LACRT: variants seen among roughly 807,000 people sequenced by gnomAD.
LACRT encodes lacritin, also known as extracellular glycoprotein lacritin.
A neutral mutation model predicts 14.5 loss-of-function variants in LACRT; 14 were observed. The observed-to-expected ratio is 0.96, with a 90% confidence interval of 0.64 to 1.51. The LOEUF is 1.51. Ranked by LOEUF, LACRT falls within the 40% of genes most tolerant of loss-of-function variation. The pLI, the probability that LACRT is intolerant of heterozygous loss-of-function variation, is 0.00. For synonymous variants in LACRT, 70 were observed against 63.5 expected, an observed-to-expected ratio of 1.10 and a Z score of -0.48; for missense variants, 156 against 161.8, an observed-to-expected ratio of 0.96 and a Z score of 0.19.
chr12:54,634,485 G>T (rs1345282613), intron 1 of LACRT, among the ~76,000 whole-genome samples: 2 of 152,182 alleles, frequency 1.3e-5, no homozygotes, highest in African/African-American at 4.8e-5. Context: ...CTCGTGTAGG[G>T]GACACCCTGC....
At chr12:54,633,786 G>A (rs530928277) in intron 1 of LACRT, among the ~76,000 whole-genome samples, 59 of 152,350 alleles carry the variant, frequency 3.9e-4, no homozygotes, top group African/African-American at 1.1e-3. Flanking sequence ...AATGGCTGGT[G>A]TGACAGTGCT....
At chr12:54,633,542 G>A (rs1216761429) in intron 1 of LACRT, among the ~76,000 whole-genome samples, 1 of 152,156 alleles carries the variant, frequency 6.6e-6, no homozygotes, top group Non-Finnish European at 1.5e-5. Flanking sequence ...CATGGAGCTG[G>A]CCATGGTCAG....
chr12:54,631,638 G>T, intron 4 of LACRT, 100 bp downstream of exon 4: 1 of 827,952 alleles, frequency 1.2e-6, no homozygotes, highest in Non-Finnish European at 2.1e-6. Context: ...TCTCATATGT[G>T]AGGTGGAAAT....
At chr12:54,632,060 A>T (rs117342787) in intron 3 of LACRT, 181 bp downstream of exon 3, 1 of 709,676 alleles carries the variant, frequency 1.4e-6, no homozygotes, top group Admixed American at 2.8e-5. Flanking sequence ...AGGCTGCAAC[A>T]TCTACTATTG....
intron 1 of LACRT, among the ~76,000 whole-genome samples, chr12:54,634,024 A>T (rs1030750634): frequency 2.6e-5 from 4 of 152,118 alleles, no homozygotes; most frequent in African/African-American, 7.2e-5. Context: ...GAACAGCAGG[A>T]TCATCATGGC....
chr12:54,634,634 G>A, intron 1 of LACRT, 150 bp downstream of exon 1: 1 of 762,516 alleles, frequency 1.3e-6, no homozygotes, highest in South Asian at 1.6e-5. Context: ...GGGTGCAGAG[G>A]CCACGTGTGG....
At chr12:54,631,612 C>T (rs1958152197) in intron 4 of LACRT, 126 bp downstream of exon 4, 1 of 716,762 alleles carries the variant, frequency 1.4e-6, no homozygotes. Context: ...ACAGCAGGGG[C>T]TGTGGCAATT....
chr12:54,632,281 T>C lies in LACRT; in HGVS notation c.213A>G (p.Thr71=), dbSNP rs754267006. 1 of 1,614,150 alleles carries C rather than the reference T, an allele frequency of 6.2e-7. No homozygotes were observed. The change falls in exon 3 of 5, where the codon ACA becomes ACG. Residue 71 remains threonine, a synonymous_variant. Transcript: ENST00000257867. ...QETSAAAVQG[T]AKVTSSRQEL... The stretch of plus-strand genomic sequence containing the variant: ...CCTGCCTGCTTGAGGTGACCTTGGC[T>C]GTCCCCTGAACTGCTGCCGCCGAAG...
intron 2 of LACRT, among the ~76,000 whole-genome samples, chr12:54,632,621 C>T (rs1344040799): frequency 6.6e-6 from 1 of 152,044 alleles, no homozygotes; most frequent in Admixed American, 6.5e-5. Flanking sequence ...GGGAGCACTT[C>T]ATAGAGAAGC....
chr12:54,630,835 C>G lies in LACRT; in HGVS notation c.*57G>C. The G allele has an allele frequency of 7.6e-7, 1 of 1,320,456 alleles. No individual in the cohort carries two copies. 81.8% of individuals were successfully genotyped at this position (1,320,456 alleles called of 1,614,324 possible). A position where few individuals can be genotyped will look rare whatever the true frequency, so the allele number is the denominator to read the frequency against. ...GTTGGATGCTTTCGTTTTAATAGCT[C>G]TGGGCTACAAGGGTATTTAAGGCTT... On this transcript the variant is annotated 3_prime_UTR_variant, in exon 5 of 5. Coordinates refer to ENST00000257867, the MANE Select transcript of LACRT (RefSeq NM_033277.2).
Position 54,631,789 on chromosome 12 carries a change from C to G in LACRT, c.304G>C (p.Ala102Pro). 3 of 1,614,116 alleles carry G rather than the reference C, an allele frequency of 1.9e-6. No homozygotes were observed. Among genetic ancestry groups the G allele is most frequent in the Non-Finnish European group, 2.5e-6 (3 of 1,179,936 alleles). ...ACGCCTCCGTGCATTCCTTTTCCTG[C>G]TTTTGCAAGGGCTTGTTCTGTTAGT... ...ILLTEQALAK[A>P]GKGMHGGVPG... The change falls in exon 4 of 5, where the codon GCA (alanine) becomes CCA (proline). Residue 102 changes from alanine to proline, a missense_variant. Transcript: ENST00000257867.
At position 54,632,301 on chromosome 12, in the gene LACRT, C is replaced by T. The variant is rs745697752; in HGVS notation, c.193G>A (p.Ala65Thr). The T allele has an allele frequency of 2.5e-6, 4 of 1,614,106 alleles. No individual in the cohort carries two copies. In the Admixed American group the frequency reaches 5.0e-5, roughly 20 times the overall value. ...ETTTTAQETS[A>T]AAVQGTAKVT... ...TTGGCTGTCCCCTGAACTGCTGCCG[C>T]CGAAGTCTCCTGGGCTGTTGTGGTT... Residue 65 changes from alanine (A) to threonine (T), a missense_variant, in exon 3 of 5, where the codon GCG becomes ACG. Physicochemically the swap from Ala to Thr is moderately conservative, Grantham distance 58. Coordinates refer to ENST00000257867, the MANE Select transcript of LACRT (RefSeq NM_033277.2).
At chr12:54,631,656 A>G in intron 4 of LACRT, 82 bp downstream of exon 4, 1 of 1,007,682 alleles carries the variant, frequency 9.9e-7, no homozygotes, top group Non-Finnish European at 1.6e-6. Context: ...AATGGGGGCA[A>G]GTTCTGTCCC....
At chr12:54,632,040 T>C in intron 3 of LACRT, 4 of 682,568 alleles carry the variant, frequency 5.9e-6, no homozygotes, top group South Asian at 5.7e-5. Flanking sequence ...ACAGAAACCA[T>C]GTATTGTGCA....
intron 1 of LACRT, 94 bp from the exon 2 acceptor site, chr12:54,633,327 G>T: frequency 9.2e-7 from 1 of 1,092,048 alleles, no homozygotes; most frequent in Non-Finnish European, 1.4e-6. Context: ...TATCTCCTGG[G>T]AATGCTCATG....
chr12:54,632,210 T>G, intron 3 of LACRT, 31 bp downstream of exon 3: 1 of 1,610,892 alleles, frequency 6.2e-7, no homozygotes. Flanking sequence ...CTTTTCTAGG[T>G]TGTTGATCTG....
Position 54,630,891 on chromosome 12 carries a change from C to T in LACRT, c.*1G>A, listed in dbSNP as rs754628127. The T allele has an allele frequency of 2.5e-6, 4 of 1,604,340 alleles. No individual in the cohort carries two copies. Among genetic ancestry groups the T allele is most frequent in the Non-Finnish European group, 3.4e-6 (4 of 1,171,270 alleles). The stretch of plus-strand genomic sequence containing the variant: ...CCAATGATCCCATTCTTTTCAGCTT[C>T]TCATGCCCATGGTTTTAATAGACTG... On this transcript the variant is annotated 3_prime_UTR_variant, in exon 5 of 5. Coordinates refer to ENST00000257867, the MANE Select transcript of LACRT (RefSeq NM_033277.2).
chr12:54,632,164 G>C, intron 3 of LACRT, 77 bp downstream of exon 3: 1 of 1,536,564 alleles, frequency 6.5e-7, no homozygotes, highest in Non-Finnish European at 9.0e-7. Context: ...GCTTATCTCT[G>C]TGCGTGGAGG....
intron 4 of LACRT, among the ~76,000 whole-genome samples, chr12:54,631,498 C>T (rs1565724340): frequency 6.6e-6 from 1 of 152,188 alleles, no homozygotes; most frequent in Non-Finnish European, 1.5e-5. Context: ...GCCTTGGCCT[C>T]CCAAAGTGCT....
Sources: allele counts gnomAD v4.1 joint callset (sites outside exome capture counted in the v4.1 genomes callset), GRCh38; gene constraint gnomAD v4.1.1; transcripts MANE v1.5; gene names NCBI Gene and HGNC (gene_info 2026-07-23, HGNC 2026-07-21).